The following CTNNA2 variants were observed in gnomAD, a reference collection of about 807,000 sequenced individuals.
CTNNA2 encodes catenin alpha 2, also known as catenin alpha-2.
CTNNA2 carries 42 observed loss-of-function variants against 101.0 expected under a neutral mutation model. The observed-to-expected ratio is 0.42, with a 90% CI of 0.32 to 0.54. The LOEUF is 0.54. CTNNA2 is among the 20% of genes least tolerant of loss of function. CTNNA2 has a pLI of 0.14. For synonymous variants in CTNNA2, 450 were observed against 456.4 expected (o/e 0.99, Z 0.18); for missense variants, 871 against 1,223.1 (o/e 0.71, Z 4.29).
intron 18 of CTNNA2, among the ~76,000 whole-genome samples, chr2:80,622,817 C>G (rs930971292): frequency 6.6e-6 from 1 of 151,634 alleles, no homozygotes; most frequent in African/African-American, 2.4e-5. Flanking sequence ...ATTAGAACTG[C>G]TTTGTTACCT....
intron 7 of CTNNA2, among the ~76,000 whole-genome samples, chr2:80,113,109 T>C (rs978719829): frequency 6.6e-6 from 1 of 151,976 alleles, no homozygotes. Flanking sequence ...GGGCGAGGAG[T>C]GTACCACATT....
At chr2:79,594,975 T>C (rs925801577) in intron 1 of CTNNA2, among the ~76,000 whole-genome samples, 60 of 152,076 alleles carry the variant, frequency 3.9e-4, no homozygotes, top group African/African-American at 1.4e-3. Context: ...TTTTGAAAGA[T>C]TGTGTTTCCC....
chr2:79,237,373 T>C lies in CTNNA2; in HGVS notation c.-406+39297T>C, dbSNP rs1674570142. Among the ~76,000 whole-genome samples, 4 of 152,216 alleles carry C rather than the reference T, an allele frequency of 2.6e-5. No individual in the cohort carries two copies. The South Asian group carries it at 8.3e-4, about 32-fold the overall frequency. ...CAGATATACTGTCATTCAGGCTTTG[T>C]TCATTCATTTATAAAGCACAGGCAG... On this transcript the variant is annotated intron_variant, in intron 2 of 21. Transcript: ENST00000466387.
At position 79,718,094 on chromosome 2, in the gene CTNNA2, A is replaced by G. The variant is rs1378525214; in HGVS notation, c.103-26293A>G. On this transcript the variant is annotated intron_variant, in intron 2 of 18. Transcript: ENST00000402739. Reference sequence around the variant, plus strand: ...CTTTGGGGAATGCTTTTGTTTACATAAAAGGGAAAAGAAAAAAGTCAGCAG... The same window carrying G: ...CTTTGGGGAATGCTTTTGTTTACATGAAAGGGAAAAGAAAAAAGTCAGCAG... 2.6e-5 allele frequency among the ~76,000 whole-genome samples: 4 copies of G among 152,200 alleles called. No homozygotes were observed. In the East Asian group the frequency reaches 5.8e-4, roughly 22 times the overall value.
intron 4 of CTNNA2, among the ~76,000 whole-genome samples, chr2:79,494,602 C>T (rs1671236495): frequency 6.6e-6 from 1 of 152,088 alleles, no homozygotes; most frequent in Non-Finnish European, 1.5e-5. Flanking sequence ...TGCATATCCA[C>T]ATGCCAAAGA....
intron 7 of CTNNA2, among the ~76,000 whole-genome samples, chr2:80,218,864 A>G (rs1408120941): frequency 2.6e-5 from 4 of 152,202 alleles, no homozygotes; most frequent in African/African-American, 9.6e-5. Context: ...AATGCTTAGA[A>G]TTATCTGAGG....
chr2:80,468,600 T>C (rs1685048650), intron 9 of CTNNA2, among the ~76,000 whole-genome samples: 1 of 152,094 alleles, frequency 6.6e-6, no homozygotes, highest in Admixed American at 6.6e-5. Flanking sequence ...GTATTTTTAG[T>C]AGAGACGGGG....
At chr2:80,253,766 T>A (rs768048641) in intron 7 of CTNNA2, among the ~76,000 whole-genome samples, 21 of 152,192 alleles carry the variant, frequency 1.4e-4, no homozygotes, top group Non-Finnish European at 4.4e-5. Flanking sequence ...AGCACTTTAA[T>A]GATAATCAAG....
At chr2:80,404,825 G>A (rs975976114) in intron 8 of CTNNA2, among the ~76,000 whole-genome samples, 1 of 152,138 alleles carries the variant, frequency 6.6e-6, no homozygotes, top group South Asian at 2.1e-4. Flanking sequence ...AATTTTACTT[G>A]TTAGAAAATT....
At chr2:80,573,626 TG>T (rs1694791984) in intron 12 of CTNNA2, among the ~76,000 whole-genome samples, 1 of 152,176 alleles carries the variant, frequency 6.6e-6, no homozygotes, top group Non-Finnish European at 1.5e-5. Context: ...TGAAGCCATT[TG>T]GGTTAAGGTC....
intron 9 of CTNNA2, among the ~76,000 whole-genome samples, chr2:80,528,699 A>G (rs771404830): frequency 2.6e-5 from 4 of 152,090 alleles, no homozygotes; most frequent in Admixed American, 6.5e-5. Flanking sequence ...AAATAAATAA[A>G]TAAAAATAAA....
chr2:79,940,813 T>G (rs1030146375), intron 7 of CTNNA2, among the ~76,000 whole-genome samples: 1 of 152,226 alleles, frequency 6.6e-6, no homozygotes, highest in Non-Finnish European at 1.5e-5. Flanking sequence ...TAACAAAATG[T>G]TAAATATCTC....
intron 7 of CTNNA2, among the ~76,000 whole-genome samples, chr2:80,311,087 A>G (rs893934533): frequency 6.6e-6 from 1 of 152,106 alleles, no homozygotes; most frequent in Non-Finnish European, 1.5e-5. Context: ...TTGGGTATAC[A>G]TTCTTTCAGA....
chr2:79,758,135 A>G (rs920348092), intron 3 of CTNNA2, among the ~76,000 whole-genome samples: 2 of 152,202 alleles, frequency 1.3e-5, no homozygotes, highest in Non-Finnish European at 2.9e-5. Context: ...TCCTTAAACA[A>G]AATGTTTGAT....
chr2:79,831,394 A>T (rs1282720540), intron 3 of CTNNA2, among the ~76,000 whole-genome samples: 1 of 152,006 alleles, frequency 6.6e-6, no homozygotes, highest in Admixed American at 6.5e-5. Context: ...CAATATTTTC[A>T]CTCTAAAGCC....
chr2:80,490,283 C>CG (rs1686950361), intron 9 of CTNNA2, among the ~76,000 whole-genome samples: 1 of 81,062 alleles, frequency 1.2e-5, no homozygotes, highest in African/African-American at 5.7e-5. Flanking sequence ...CCCCCCCACC[C>CG]CCCCCCCGGT....
intron 2 of CTNNA2, among the ~76,000 whole-genome samples, chr2:79,288,172 G>A (rs527635442): frequency 1.5e-3 from 224 of 152,272 alleles, no homozygotes; most frequent in Admixed American, 2.5e-3. Context: ...AGATGAACCC[G>A]GTACCTCACA....
intron 17 of CTNNA2, among the ~76,000 whole-genome samples, chr2:80,614,430 G>T (rs1698688419): frequency 6.6e-6 from 1 of 151,358 alleles, no homozygotes; most frequent in African/African-American, 2.4e-5. Context: ...ATGTGTGTAG[G>T]TTTCATGTAA....
intron 18 of CTNNA2, among the ~76,000 whole-genome samples, chr2:80,621,202 A>G (rs1418426240): frequency 1.3e-5 from 2 of 151,884 alleles, no homozygotes; most frequent in African/African-American, 4.8e-5. Flanking sequence ...GTAGATGATC[A>G]AAAAGAGATA....
Sources: allele counts gnomAD v4.1 joint callset (sites outside exome capture counted in the v4.1 genomes callset), GRCh38; gene constraint gnomAD v4.1.1; transcripts MANE v1.5; gene names NCBI Gene and HGNC (gene_info 2026-07-23, HGNC 2026-07-21).